Variants in PRKCQ observed in about 807,000 individuals in gnomAD.
The protein encoded by PRKCQ is protein kinase C theta, also known as protein kinase C theta type.
PRKCQ carries 41 observed loss-of-function variants against 91.2 expected under a neutral mutation model. That is an observed-to-expected ratio of 0.45 (90% CI 0.35 to 0.58). The LOEUF (loss-of-function observed/expected upper bound fraction) is 0.58. PRKCQ is among the 20% of genes least tolerant of loss of function. The pLI is 0.00. For missense variants in PRKCQ, 673 were observed against 896.5 expected (o/e 0.75, Z 3.18); for synonymous variants, 307 against 316.9 (o/e 0.97, Z 0.33).
chr10:6,402,249 A>ACC, the PRKCQ span, among the ~76,000 whole-genome samples: 1 of 151,704 alleles, frequency 6.6e-6, no homozygotes, highest in African/African-American at 2.4e-5. Flanking sequence ...CCTAATGTTG[A>ACC]TGGGTGCAGG....
intron 1 of PRKCQ, among the ~76,000 whole-genome samples, chr10:6,539,395 T>G (rs1839697938): frequency 6.6e-6 from 1 of 152,070 alleles, no homozygotes; most frequent in Non-Finnish European, 1.5e-5. Flanking sequence ...TCCTGTCAGA[T>G]CAGCCACAGC....
intron 1 of PRKCQ, among the ~76,000 whole-genome samples, chr10:6,545,361 G>C (rs771271407): frequency 6.6e-6 from 1 of 152,224 alleles, no homozygotes; most frequent in Non-Finnish European, 1.5e-5. Flanking sequence ...TTTTACAGAA[G>C]AGGCAATGGA....
intron 12 of PRKCQ, among the ~76,000 whole-genome samples, chr10:6,474,264 T>TC (rs1454853995): frequency 1.3e-5 from 2 of 152,232 alleles, no homozygotes; most frequent in African/African-American, 4.8e-5. Flanking sequence ...GGGAGGCCTC[T>TC]CTTCAGAGGC....
chr10:6,560,775 C>T (rs981772025), intron 1 of PRKCQ, among the ~76,000 whole-genome samples: 9 of 152,154 alleles, frequency 5.9e-5, no homozygotes, highest in African/African-American at 2.2e-4. Flanking sequence ...CGCGGTGTCT[C>T]ATGTCTGTAA....
intron 4 of PRKCQ, among the ~76,000 whole-genome samples, chr10:6,503,993 G>C (rs888621488): frequency 6.6e-6 from 1 of 152,058 alleles, no homozygotes; most frequent in African/African-American, 2.4e-5. Flanking sequence ...GCCCAGGCTG[G>C]TCTCAAACTC....
intron 16 of PRKCQ, among the ~76,000 whole-genome samples, chr10:6,439,981 C>T (rs751517357): frequency 3.9e-5 from 6 of 152,082 alleles, no homozygotes; most frequent in Admixed American, 1.3e-4. Context: ...CCATGTGTCA[C>T]GGGAGGGACT....
rs1169118732 is a variant in PRKCQ at position 6,553,452 on chromosome 10, T to C, written c.-10+26759A>G. ...TTGCAGAGAGCCGAGATAGTGCCAC[T>C]GCACTCCAGCCTGGGTGACAGAGCA... On this transcript the variant is annotated intron_variant, in intron 1 of 17. Coordinates refer to ENST00000263125, the MANE Select transcript of PRKCQ (RefSeq NM_006257.5). Among the ~76,000 whole-genome samples the C allele has an allele frequency of 4.3e-5, 6 of 140,800 alleles. No homozygotes were observed. In the South Asian group the frequency reaches 1.3e-3, roughly 30 times the overall value. 92.4% of individuals were successfully genotyped at this position (140,800 alleles called of 152,430 possible).
intron 1 of PRKCQ, among the ~76,000 whole-genome samples, chr10:6,571,673 G>A (rs1233062889): frequency 2.0e-5 from 3 of 152,088 alleles, no homozygotes; most frequent in Non-Finnish European, 4.4e-5. Context: ...AGGTGTGGTG[G>A]TGCATGCCTG....
rs139296268 is a variant in PRKCQ at position 6,485,163 on chromosome 10, G to A, written c.1007C>T (p.Pro336Leu). 196 of 1,613,370 alleles carry A rather than the reference G, an allele frequency of 1.2e-4. No homozygotes were observed. The highest frequency in any genetic ancestry group is 1.7e-4 in the Middle Eastern group (1 of 6,058). The change falls in exon 10 of 18, where the codon CCG becomes CTG. Residue 336 changes from proline (P) to leucine (L), a missense_variant. Physicochemically the swap from Pro to Leu is moderately conservative, Grantham distance 98 (BLOSUM62 -3). Transcript: ENST00000263125. ...ATCAGGACAGCTACCTCTTTTTCCCGGTGTCGGTAAACATGGCGGCCTTGC... is the reference window on the plus strand; with the variant it reads ...ATCAGGACAGCTACCTCTTTTTCCCAGTGTCGGTAAACATGGCGGCCTTGC... Reference protein sequence around the residue: ...NEARPPCLPTPGKREPQGISW... With the variant: ...NEARPPCLPTLGKREPQGISW...
intron 16 of PRKCQ, among the ~76,000 whole-genome samples, chr10:6,432,526 T>C (rs1049549025): frequency 1.3e-5 from 2 of 152,148 alleles, no homozygotes; most frequent in Admixed American, 1.3e-4. Flanking sequence ...GAGGACTCTC[T>C]AGGGAAACTT....
At chr10:6,441,619 A>T (rs907648127) in intron 16 of PRKCQ, among the ~76,000 whole-genome samples, 7 of 152,122 alleles carry the variant, frequency 4.6e-5, no homozygotes, top group Non-Finnish European at 7.4e-5. Context: ...AACCAACTAC[A>T]TCTCCAGGTG....
At chr10:6,496,122 A>G (rs1837570973) in intron 7 of PRKCQ, among the ~76,000 whole-genome samples, 1 of 150,978 alleles carries the variant, frequency 6.6e-6, no homozygotes. Context: ...AGGCTGAGGC[A>G]GGAGAATCTC....
At chr10:6,514,047 T>G (rs903606602) in intron 2 of PRKCQ, among the ~76,000 whole-genome samples, 1 of 152,204 alleles carries the variant, frequency 6.6e-6, no homozygotes, top group African/African-American at 2.4e-5. Flanking sequence ...CTGAGTTCCT[T>G]CAGCTTACTT....
At chr10:6,400,959 G>A in the PRKCQ span, among the ~76,000 whole-genome samples, 1 of 152,232 alleles carries the variant, frequency 6.6e-6, no homozygotes, top group Non-Finnish European at 1.5e-5. Context: ...TGGAGAACTT[G>A]CAAAATTAAA....
chr10:6,563,708 G>C (rs1200214049), intron 1 of PRKCQ, among the ~76,000 whole-genome samples: 1 of 152,106 alleles, frequency 6.6e-6, no homozygotes, highest in Admixed American at 6.5e-5. Flanking sequence ...CCTCCACTCT[G>C]TCATTTACCT....
intron 1 of PRKCQ, among the ~76,000 whole-genome samples, chr10:6,567,297 G>A (rs1840869798): frequency 6.6e-6 from 1 of 152,248 alleles, no homozygotes; most frequent in African/African-American, 2.4e-5. Flanking sequence ...ACAGGACATA[G>A]GGATTCTGTT....
intron 1 of PRKCQ, among the ~76,000 whole-genome samples, chr10:6,515,705 C>A (rs1007199476): frequency 6.6e-6 from 1 of 152,234 alleles, no homozygotes; most frequent in Admixed American, 6.5e-5. Context: ...CACACACACA[C>A]ACTCTAAGCC....
chr10:6,507,363 G>T, intron 4 of PRKCQ, 73 bp downstream of exon 4: 2 of 1,389,444 alleles, frequency 1.4e-6, no homozygotes, highest in Non-Finnish European at 1.0e-6. Flanking sequence ...AATTGCAAAG[G>T]TAAAATAAGC....
At chr10:6,533,164 A>G (rs755342360) in intron 1 of PRKCQ, among the ~76,000 whole-genome samples, 1 of 152,074 alleles carries the variant, frequency 6.6e-6, no homozygotes, top group Non-Finnish European at 1.5e-5. Flanking sequence ...TTTGCATGTT[A>G]TTATCACCCA....
Sources: gnomAD v4.1 joint callset for allele counts (sites outside exome capture counted in the v4.1 genomes callset) on GRCh38, gnomAD v4.1.1 for gene constraint, MANE v1.5 for transcripts, NCBI Gene and HGNC (gene_info 2026-07-23, HGNC 2026-07-21) for gene names.